The following CDH12 variants were observed in gnomAD, a reference collection of about 807,000 sequenced individuals.
CDH12 encodes the protein cadherin 12.
Under a neutral mutation model 74.1 loss-of-function variants are expected in CDH12, and 41 were observed. The observed-to-expected ratio is 0.55, with a 90% CI of 0.43 to 0.72. CDH12 has a LOEUF of 0.72. Ranked by LOEUF, CDH12 falls within the 30% of genes least tolerant of loss-of-function variation. The probability of loss-of-function intolerance (pLI) is 0.00; values close to 1 mark genes in which losing one functional copy is unlikely to be tolerated. For synonymous variants in CDH12, 399 were observed against 355.0 expected, an observed-to-expected ratio of 1.12 and a Z score of -1.39; for missense variants, 945 against 977.2, an observed-to-expected ratio of 0.97 and a Z score of 0.44.
At chr5:22,529,449 G>A (rs1009769209) in intron 1 of CDH12, among the ~76,000 whole-genome samples, 1 of 151,864 alleles carries the variant, frequency 6.6e-6, no homozygotes, top group Non-Finnish European at 1.5e-5. Context: ...TAATCCATTG[G>A]CAGGAAAAAA....
chr5:22,349,722 T>C (rs1379407676), intron 3 of CDH12, among the ~76,000 whole-genome samples: 1 of 152,210 alleles, frequency 6.6e-6, no homozygotes, highest in African/African-American at 2.4e-5. Flanking sequence ...CCTGTCTCAC[T>C]ATAGACTTAC....
At chr5:22,529,964 T>C (rs941484747) in intron 1 of CDH12, among the ~76,000 whole-genome samples, 5 of 152,162 alleles carry the variant, frequency 3.3e-5, no homozygotes, top group Non-Finnish European at 7.4e-5. Context: ...TACACTGAGA[T>C]ACCTCAACAG....
intron 1 of CDH12, among the ~76,000 whole-genome samples, chr5:22,620,893 C>G (rs962207619): frequency 6.6e-6 from 1 of 152,078 alleles, no homozygotes; most frequent in Non-Finnish European, 1.5e-5. Context: ...GTTTTAGATG[C>G]GACAAATGAA....
Position 22,287,855 on chromosome 5 carries a change from CTG to C in CDH12, c.-332-75214_-332-75213del, listed in dbSNP as rs1313565597. On this transcript the variant is annotated intron_variant, in intron 3 of 14. Coordinates refer to ENST00000382254, the MANE Select transcript of CDH12 (RefSeq NM_004061.5). Reference sequence around the variant, plus strand: ...TTTTAATGGAATATTCTGAAAAAGACTGTTATCAAGATGATGCTTACTAACAG... The same window carrying C: ...TTTTAATGGAATATTCTGAAAAAGACTTATCAAGATGATGCTTACTAACAG... Among the ~76,000 whole-genome samples, 13 of 151,946 alleles carry C rather than the reference CTG, an allele frequency of 8.6e-5. No individual in the cohort carries two copies. The East Asian group carries it at 2.5e-3, about 29-fold the overall frequency.
chr5:21,832,631 T>C (rs1749086702), intron 8 of CDH12, among the ~76,000 whole-genome samples: 1 of 150,536 alleles, frequency 6.6e-6, no homozygotes, highest in African/African-American at 2.4e-5. Flanking sequence ...AATATACCTG[T>C]AGGAATACAA....
intron 1 of CDH12, among the ~76,000 whole-genome samples, chr5:22,693,290 A>G (rs867849022): frequency 1.3e-5 from 2 of 152,344 alleles, no homozygotes; most frequent in Non-Finnish European, 1.5e-5. Context: ...TGCAAGCCAT[A>G]TGCAGTGCTA....
intron 3 of CDH12, among the ~76,000 whole-genome samples, chr5:22,237,814 T>C (rs932258909): frequency 6.6e-6 from 1 of 152,188 alleles, no homozygotes; most frequent in Non-Finnish European, 1.5e-5. Flanking sequence ...TACCACTTCA[T>C]AGCACCACGA....
At chr5:22,058,053 T>TA (rs1561065611) in intron 5 of CDH12, among the ~76,000 whole-genome samples, 1 of 150,350 alleles carries the variant, frequency 6.7e-6, no homozygotes, top group African/African-American at 2.5e-5. Flanking sequence ...ATCATCTATC[T>TA]TTTATTTATT....
chr5:22,605,723 G>T (rs938292106), intron 1 of CDH12, among the ~76,000 whole-genome samples: 1 of 152,204 alleles, frequency 6.6e-6, no homozygotes, highest in Non-Finnish European at 1.5e-5. Flanking sequence ...TCAGGCCATC[G>T]CTCCACCAGC....
intron 1 of CDH12, among the ~76,000 whole-genome samples, chr5:22,536,742 C>G (rs1737864506): frequency 6.6e-6 from 1 of 152,096 alleles, no homozygotes; most frequent in Non-Finnish European, 1.5e-5. Context: ...GTGAACAGCT[C>G]AATTTGTTAG....
intron 1 of CDH12, among the ~76,000 whole-genome samples, chr5:22,588,136 C>T (rs72637709): frequency 6.6e-6 from 1 of 150,602 alleles, no homozygotes; most frequent in Non-Finnish European, 1.5e-5. Context: ...ACTCAAGGAC[C>T]ATTTATTCTA....
chr5:21,766,787 T>C (rs1745048619), intron 11 of CDH12, among the ~76,000 whole-genome samples: 1 of 151,978 alleles, frequency 6.6e-6, no homozygotes, highest in Non-Finnish European at 1.5e-5. Flanking sequence ...TTTAGAATGC[T>C]TGCAATGTAC....
At chr5:21,997,313 T>G (rs1736355532) in intron 5 of CDH12, among the ~76,000 whole-genome samples, 1 of 152,142 alleles carries the variant, frequency 6.6e-6, no homozygotes, top group Non-Finnish European at 1.5e-5. Context: ...CCAATATTTA[T>G]CCCTGTTTAA....
At chr5:21,768,808 C>G (rs1269650628) in intron 11 of CDH12, among the ~76,000 whole-genome samples, 1 of 151,930 alleles carries the variant, frequency 6.6e-6, no homozygotes, top group African/African-American at 2.4e-5. Flanking sequence ...ATACGAAAAC[C>G]AATTAAAAAA....
At chr5:21,777,791 T>C (rs1343061701) in intron 11 of CDH12, among the ~76,000 whole-genome samples, 1 of 152,110 alleles carries the variant, frequency 6.6e-6, no homozygotes, top group African/African-American at 2.4e-5. Context: ...ATGCCCAGCC[T>C]ACCACTAACA....
chr5:21,768,371 C>T (rs1242405562), intron 11 of CDH12, among the ~76,000 whole-genome samples: 1 of 151,710 alleles, frequency 6.6e-6, no homozygotes, highest in Admixed American at 6.6e-5. Context: ...CATTTTGAGT[C>T]TATTTGATTT....
chr5:22,578,955 T>C (rs1739938043), intron 1 of CDH12, among the ~76,000 whole-genome samples: 1 of 152,148 alleles, frequency 6.6e-6, no homozygotes, highest in Non-Finnish European at 1.5e-5. Flanking sequence ...AGCAAGAAAC[T>C]GCTTTGTGAG....
rs993660838 is a variant in CDH12, at chr5:22,461,135, C to A, written c.-428+44135G>T. The stretch of plus-strand genomic sequence containing the variant: ...TGCAACCTCCCGGGTTCAAGCGATT[C>A]TCCTGCCTCAGCGTCCCGAGTAGCT... On this transcript the variant is annotated intron_variant, in intron 2 of 14. Coordinates refer to ENST00000382254, the MANE Select transcript of CDH12 (RefSeq NM_004061.5). 1.2e-4 allele frequency among the ~76,000 whole-genome samples: 17 copies of A among 139,580 alleles called. No homozygotes were observed. In the East Asian group the frequency reaches 2.6e-3, roughly 22 times the overall value. 91.6% of individuals were successfully genotyped at this position (139,580 alleles called of 152,430 possible). A position where few individuals can be genotyped will look rare whatever the true frequency, so the allele number is the denominator to read the frequency against.
At chr5:22,770,567 T>A (rs1477901166) in intron 1 of CDH12, among the ~76,000 whole-genome samples, 1 of 152,156 alleles carries the variant, frequency 6.6e-6, no homozygotes, top group East Asian at 1.9e-4. Flanking sequence ...TTAAAGCTAA[T>A]TTATTTGCTT....
Sources: gnomAD v4.1 joint callset for allele counts (sites outside exome capture counted in the v4.1 genomes callset) on GRCh38, gnomAD v4.1.1 for gene constraint, MANE v1.5 for transcripts, NCBI Gene and HGNC (gene_info 2026-07-23, HGNC 2026-07-21) for gene names.